Variants in ATAD2B observed in about 807,000 individuals in gnomAD.
ATAD2B encodes ATPase family AAA domain-containing protein 2B.
ATAD2B carries 40 observed loss-of-function variants against 167.6 expected under a neutral mutation model. That is an observed-to-expected ratio of 0.24 (90% confidence interval 0.19 to 0.31). ATAD2B has a LOEUF of 0.31. Among genes scored for constraint, ATAD2B ranks in the 10% least tolerant of loss-of-function variants. The pLI is 1.00. For synonymous variants in ATAD2B, 579 were observed against 596.5 expected, an observed-to-expected ratio of 0.97 and a Z score of 0.43; for missense variants, 1,242 against 1,757.2, an observed-to-expected ratio of 0.71 and a Z score of 5.24.
chr2:23,804,426 C>T (rs372691796), intron 18 of ATAD2B, among the ~76,000 whole-genome samples: 2 of 152,014 alleles, frequency 1.3e-5, no homozygotes, highest in South Asian at 4.1e-4. Context: ...AGAGTAAGCT[C>T]GACTTCTAAC....
At chr2:23,696,133 G>A in the ATAD2B span, 1 of 1,550,938 alleles carries the variant, frequency 6.4e-7, no homozygotes, top group East Asian at 2.4e-5. This position sits in a 1 kb window ranked among gnomAD's most constrained non-coding sequence, Gnocchi z 5.5. Context: ...CTACCTCTCA[G>A]GTGAGGCCCC....
intron 12 of ATAD2B, among the ~76,000 whole-genome samples, chr2:23,861,149 C>CT (rs34830213): frequency 0.15 from 20,751 of 136,238 alleles, 1,586 homozygotes; most frequent in Middle Eastern, 0.23. Flanking sequence ...TGTTTTTTTC[C>CT]TTTTTTTTTT....
At chr2:23,678,254 C>T in the ATAD2B span, among the ~76,000 whole-genome samples, 4 of 152,206 alleles carry the variant, frequency 2.6e-5, no homozygotes, top group African/African-American at 7.2e-5. Flanking sequence ...CCCATTCCCT[C>T]GTGCCACTTG....
At chr2:23,811,932 T>G (rs111783468) in intron 17 of ATAD2B, among the ~76,000 whole-genome samples, 1 of 151,988 alleles carries the variant, frequency 6.6e-6, no homozygotes, top group Non-Finnish European at 1.5e-5. Flanking sequence ...GTTACTACCC[T>G]GACAGATGAC....
At chr2:23,867,970 A>T in intron 9 of ATAD2B, 24 bp from the exon 10 acceptor site, 3 of 1,473,444 alleles carry the variant, frequency 2.0e-6, no homozygotes, top group Non-Finnish European at 1.9e-6. Flanking sequence ...AAGTGCAAGT[A>T]AAGTTGCATT....
chr2:23,915,781 C>T (rs991929565), intron 1 of ATAD2B, among the ~76,000 whole-genome samples: 4 of 151,404 alleles, frequency 2.6e-5, no homozygotes, highest in Admixed American at 6.6e-5. Context: ...TTAGTAGAGA[C>T]GGGGTTTCAC....
At chr2:23,747,895 T>C (rs1253580301), downstream of ATAD2B, among the ~76,000 whole-genome samples, 2 of 152,266 alleles carry the variant, frequency 1.3e-5, no homozygotes, top group East Asian at 3.9e-4. Flanking sequence ...TTGAGTCTTA[T>C]GGAAACTAAA....
At chr2:23,820,948 C>T (rs750465297) in intron 16 of ATAD2B, among the ~76,000 whole-genome samples, 1 of 149,440 alleles carries the variant, frequency 6.7e-6, no homozygotes, top group Non-Finnish European at 1.5e-5. Flanking sequence ...GACTCCGTCT[C>T]AAAACAAAAA....
intron 18 of ATAD2B, among the ~76,000 whole-genome samples, chr2:23,800,503 G>A (rs1683309451): frequency 6.6e-6 from 1 of 152,118 alleles, no homozygotes; most frequent in Non-Finnish European, 1.5e-5. Flanking sequence ...GTTAACTACA[G>A]GTGTCTTAAC....
intron 6 of ATAD2B, chr2:23,883,608 T>C (rs1049286781): frequency 8.5e-6 from 11 of 1,297,868 alleles, no homozygotes; most frequent in African/African-American, 1.5e-5. Context: ...ACTGATTTTC[T>C]CCAAAGGAAG....
At chr2:23,908,464 A>G (rs1342754722) in intron 1 of ATAD2B, among the ~76,000 whole-genome samples, 5 of 152,212 alleles carry the variant, frequency 3.3e-5, no homozygotes, top group African/African-American at 1.2e-4. Flanking sequence ...TTAGAATGGC[A>G]ATCATTAAAA....
chr2:23,697,739 G>C, the ATAD2B span: 151,319 of 152,328 alleles, frequency 0.99, 75,166 homozygotes, highest in East Asian at 1. Context: ...CATGGGCATT[G>C]CCACGTGAAA....
At position 23,926,925 on chromosome 2, in the gene ATAD2B, C is replaced by G. The variant is rs1704970767; in HGVS notation, c.-155G>C. On this transcript the variant is annotated 5_prime_UTR_variant, in exon 1 of 28. Transcript: ENST00000238789. ...AGCGCAGACGAGCACAAGAGAGAGC[C>G]GGGCAGAGGAAGGGAAGTCGGCGTG... The G allele has an allele frequency of 7.7e-6, 7 of 911,706 alleles. No individual in the cohort carries two copies. The highest frequency in any genetic ancestry group is 3.6e-5 in the Admixed American group (1 of 27,514). The allele number at this position is 911,706 out of a possible 1,614,324, so 56.5% of individuals were successfully genotyped here.
chr2:23,684,791 G>A, the ATAD2B span, among the ~76,000 whole-genome samples: 1 of 152,066 alleles, frequency 6.6e-6, no homozygotes, highest in Admixed American at 6.5e-5. This position sits in a 1 kb window ranked among gnomAD's most constrained non-coding sequence, Gnocchi z 4.4. Flanking sequence ...AGGGGCCTCT[G>A]CCAGCAGTAG....
At chr2:23,798,556 C>T (rs1339423425) in intron 18 of ATAD2B, among the ~76,000 whole-genome samples, 10 of 151,748 alleles carry the variant, frequency 6.6e-5, no homozygotes, top group Admixed American at 4.6e-4. Flanking sequence ...ATGTTTTGCC[C>T]TTTAATTATT....
chr2:23,835,324 T>C (rs1350428460), intron 13 of ATAD2B, among the ~76,000 whole-genome samples: 1 of 152,238 alleles, frequency 6.6e-6, no homozygotes, highest in African/African-American at 2.4e-5. Context: ...TGGAACAGTA[T>C]TCCTCAATAA....
At chr2:23,817,847 A>T (rs1686686329) in intron 17 of ATAD2B, among the ~76,000 whole-genome samples, 1 of 152,162 alleles carries the variant, frequency 6.6e-6, no homozygotes, top group African/African-American at 2.4e-5. Flanking sequence ...AGAAAAGCTA[A>T]AACAAAATGA....
At chr2:23,770,378 G>C (rs1414445785) in intron 22 of ATAD2B, among the ~76,000 whole-genome samples, 2 of 152,040 alleles carry the variant, frequency 1.3e-5, no homozygotes, top group Non-Finnish European at 1.5e-5. Flanking sequence ...ATCTTTTCAT[G>C]TGTGTATTTG....
At chr2:23,872,730 C>A (rs772845026) in intron 8 of ATAD2B, 5 of 1,064,386 alleles carry the variant, frequency 4.7e-6, no homozygotes, top group Non-Finnish European at 7.2e-6. Context: ...TCAGTCAGAC[C>A]CCCATAGTGC....
Sources: gnomAD v4.1 joint callset for allele counts (sites outside exome capture counted in the v4.1 genomes callset) on GRCh38, gnomAD v4.1.1 for gene constraint, Gnocchi (gnomAD v3.1) non-coding constraint, MANE v1.5 for transcripts, NCBI Gene and HGNC (gene_info 2026-07-23, HGNC 2026-07-21) for gene names.